Variants in CREBBP observed in about 807,000 individuals in gnomAD.
The protein encoded by CREBBP is CREB binding lysine acetyltransferase.
Under a neutral mutation model 265.0 loss-of-function variants are expected in CREBBP, and 19 were observed. The ratio of observed to expected loss-of-function variants is 0.07; its 90% CI spans 0.05 to 0.11. The LOEUF (loss-of-function observed/expected upper bound fraction) is 0.11. CREBBP is among the 10% of genes least tolerant of loss of function. CREBBP has a pLI of 1.00. For synonymous variants in CREBBP, 1,457 were observed against 1,223.7 expected (o/e 1.19, Z -3.98); for missense variants, 2,525 against 3,219.0 (o/e 0.78, Z 5.22).
intron 2 of CREBBP, among the ~76,000 whole-genome samples, chr16:3,834,959 C>T (rs942809369): frequency 8.5e-5 from 13 of 152,112 alleles, no homozygotes; most frequent in African/African-American, 3.1e-4. Flanking sequence ...GAGATCGAGA[C>T]CATCCTGGCT....
intron 2 of CREBBP, among the ~76,000 whole-genome samples, chr16:3,820,134 AC>A (rs1228184402): frequency 1.3e-5 from 2 of 152,190 alleles, no homozygotes; most frequent in African/African-American, 4.8e-5. Flanking sequence ...AAGAACCAGA[AC>A]CACCCCAGAC....
At chr16:3,791,176 A>G (rs1289681307) in intron 5 of CREBBP, 2 of 152,982 alleles carry the variant, frequency 1.3e-5, no homozygotes, top group East Asian at 1.9e-4. Context: ...TGACACACCC[A>G]AAGACCACAG....
chr16:3,798,786 G>C (rs1487964997), intron 3 of CREBBP, among the ~76,000 whole-genome samples: 1 of 152,140 alleles, frequency 6.6e-6, no homozygotes, highest in Non-Finnish European at 1.5e-5. Flanking sequence ...TTCCTCAAAA[G>C]GTCAAACATA....
At chr16:3,815,710 G>T (rs2054025536) in intron 2 of CREBBP, among the ~76,000 whole-genome samples, 1 of 151,456 alleles carries the variant, frequency 6.6e-6, no homozygotes, top group South Asian at 2.1e-4. Flanking sequence ...GGTTACATGA[G>T]TTTTTTTTAC....
chr16:3,821,705 T>TA (rs955679594), intron 2 of CREBBP, among the ~76,000 whole-genome samples: 3 of 152,264 alleles, frequency 2.0e-5, no homozygotes, highest in Admixed American at 1.3e-4. Flanking sequence ...GAAAAGGTGA[T>TA]AAAAAATGTG....
At chr16:3,744,989 C>T (rs1596823465) in intron 22 of CREBBP, 28 bp from the exon 23 acceptor site, 1 of 1,525,274 alleles carries the variant, frequency 6.6e-7, no homozygotes, top group Non-Finnish European at 9.1e-7. Context: ...TATGATGAGA[C>T]TGTATATAAT....
rs748802681 is a variant in CREBBP, at chr16:3,850,585, C to A, written c.510G>T (p.Gln170His). ...GLATSSPATS[Q>H]TGPGICMNAN... is the part of the protein sequence containing the mutation. ...CATTCATGCAGATACCAGGTCCAGT[C>A]TGTGACGTGGCAGGGCTGCTAGTCG... Residue 170 changes from glutamine (Q) to histidine (H), a missense_variant, in exon 2 of 31, where the codon CAG becomes CAT. Transcript: ENST00000262367. 1 of 1,614,250 alleles carries A rather than the reference C, an allele frequency of 6.2e-7. No individual in the cohort carries two copies. Among genetic ancestry groups the A allele is most frequent in the Non-Finnish European group, 8.5e-7 (1 of 1,180,052 alleles).
intron 3 of CREBBP, among the ~76,000 whole-genome samples, chr16:3,794,736 T>A (rs1353590058): frequency 6.6e-6 from 1 of 152,226 alleles, no homozygotes; most frequent in Non-Finnish European, 1.5e-5. Context: ...AGGGGACCCA[T>A]AGAGTCTTCT....
At position 3,769,241 on chromosome 16, in the gene CREBBP, T is replaced by C. The variant is rs2141191080; in HGVS notation, c.2993A>G (p.Lys998Arg). 6.2e-7 allele frequency: 1 copy of C among 1,614,168 alleles called. No individual in the cohort carries two copies. Among genetic ancestry groups the C allele is most frequent in the Non-Finnish European group, 8.5e-7 (1 of 1,180,024 alleles). The change falls in exon 15 of 31, where the codon AAG becomes AGG. Residue 998 changes from lysine to arginine, a missense_variant. Transcript: ENST00000262367. The part of the protein sequence containing the change: ...PGPDVPVLEM[K>R]TETQAEDTEP... ...AGTGTCCTCTGCTTGGGTCTCCGTC[T>C]TCATTTCCAGCACAGGTACGTCAGG...
intron 2 of CREBBP, among the ~76,000 whole-genome samples, chr16:3,814,874 G>A (rs958584348): frequency 6.6e-6 from 1 of 152,122 alleles, no homozygotes; most frequent in Non-Finnish European, 1.5e-5. Context: ...CTGGCACCAG[G>A]GCCAGCCCCA....
intron 2 of CREBBP, among the ~76,000 whole-genome samples, chr16:3,823,330 C>T (rs2054176019): frequency 6.6e-6 from 1 of 152,170 alleles, no homozygotes; most frequent in African/African-American, 2.4e-5. Context: ...TCATTAAACA[C>T]TGAATAAAAC....
chr16:3,861,005 G>A (rs2055061425), intron 1 of CREBBP, among the ~76,000 whole-genome samples: 1 of 152,154 alleles, frequency 6.6e-6, no homozygotes, highest in African/African-American at 2.4e-5. Flanking sequence ...GGGTGCAGTG[G>A]CTCATGCCTG....
At chr16:3,743,642 C>T (rs539191730) in intron 23 of CREBBP, 1 of 152,322 alleles carries the variant, frequency 6.6e-6, no homozygotes, top group East Asian at 1.9e-4. Context: ...CTGCAGTTGC[C>T]GTTCTTGTGT....
chr16:3,857,753 G>C (rs983881035), intron 1 of CREBBP, among the ~76,000 whole-genome samples: 1 of 152,200 alleles, frequency 6.6e-6, no homozygotes, highest in African/African-American at 2.4e-5. Context: ...ATATCAAATA[G>C]CGAACACTGC....
chr16:3,828,026 A>G (rs1404979775), intron 2 of CREBBP, among the ~76,000 whole-genome samples: 1 of 152,148 alleles, frequency 6.6e-6, no homozygotes, highest in African/African-American at 2.4e-5. Flanking sequence ...TAAGAAAATT[A>G]ATTATGCTGG....
chr16:3,858,351 T>C (rs768186518), intron 1 of CREBBP, among the ~76,000 whole-genome samples: 1 of 152,224 alleles, frequency 6.6e-6, no homozygotes, highest in African/African-American at 2.4e-5. Flanking sequence ...TAATACCTTA[T>C]TTTCTTCTTT....
At chr16:3,819,304 T>G (rs2054098422) in intron 2 of CREBBP, among the ~76,000 whole-genome samples, 1 of 152,230 alleles carries the variant, frequency 6.6e-6, no homozygotes, top group South Asian at 2.1e-4. Flanking sequence ...AAAATGGAGA[T>G]CACAGCACCT....
chr16:3,771,233 T>TA (rs1036701300), intron 13 of CREBBP, among the ~76,000 whole-genome samples: 60 of 152,228 alleles, frequency 3.9e-4, no homozygotes, highest in Admixed American at 5.2e-4. Context: ...CACGCCCAGC[T>TA]AATTTTTCTG....
chr16:3,763,060 C>G (rs1157255137), intron 16 of CREBBP, among the ~76,000 whole-genome samples: 1 of 150,368 alleles, frequency 6.7e-6, no homozygotes, highest in East Asian at 2.0e-4. Context: ...AGGGGTGAGC[C>G]ACCACGCCCG....
Sources: allele counts gnomAD v4.1 joint callset (sites outside exome capture counted in the v4.1 genomes callset), GRCh38; gene constraint gnomAD v4.1.1; transcripts MANE v1.5; gene names NCBI Gene and HGNC (gene_info 2026-07-23, HGNC 2026-07-21).